The following PTH2R variants were observed in gnomAD, a reference collection of about 807,000 sequenced individuals.
The protein encoded by PTH2R is parathyroid hormone 2 receptor.
Under a neutral mutation model 60.3 loss-of-function variants are expected in PTH2R, and 59 were observed. That is an observed-to-expected ratio of 0.98 (90% confidence interval 0.79 to 1.22). PTH2R has a LOEUF of 1.22. Ranked by LOEUF, PTH2R falls within the 50% of genes most tolerant of loss-of-function variation. The pLI, the probability that PTH2R is intolerant of heterozygous loss-of-function variation, is 0.00. For missense variants in PTH2R, 749 were observed against 682.6 expected, an observed-to-expected ratio of 1.10 and a Z score of -1.08; for synonymous variants, 256 against 243.8, an observed-to-expected ratio of 1.05 and a Z score of -0.47.
At chr2:208,401,948 A>G (rs1701318005), upstream of PTH2R, among the ~76,000 whole-genome samples, 1 of 152,160 alleles carries the variant, frequency 6.6e-6, no homozygotes, top group African/African-American at 2.4e-5. Flanking sequence ...CACCTGTTCT[A>G]CAAGAGCCAA....
At position 208,428,402 on chromosome 2, in the gene PTH2R, C is replaced by T. The variant is rs545673942; in HGVS notation, c.178+99C>T. ...TCTTTAGTGTTAGGGAGATCCTTAT[C>T]AGTCAATCCACATTTCCATGTGGAG... is the stretch of plus-strand genomic sequence containing the variant. On this transcript the variant is annotated intron_variant, in intron 2 of 12. Coordinates refer to ENST00000272847, the MANE Select transcript of PTH2R (RefSeq NM_005048.4). 2.0e-4 allele frequency: 156 copies of T among 791,800 alleles called. No individual in the cohort carries two copies. The African/African-American group carries it at 2.4e-3, about 12-fold the overall frequency. 49.0% of individuals were successfully genotyped at this position (791,800 alleles called of 1,614,324 possible). A position where few individuals can be genotyped will look rare whatever the true frequency, so the allele number is the denominator to read the frequency against.
chr2:208,371,501 C>T (rs1331375708), intron 1 of PTH2R, among the ~76,000 whole-genome samples: 1 of 152,146 alleles, frequency 6.6e-6, no homozygotes, highest in African/African-American at 2.4e-5. Context: ...CTCCCTCAGG[C>T]ATGGAGAATA....
intron 8 of PTH2R, among the ~76,000 whole-genome samples, chr2:208,451,601 A>T (rs1423629698): frequency 1.3e-5 from 2 of 152,152 alleles, no homozygotes; most frequent in Non-Finnish European, 2.9e-5. Flanking sequence ...CGTGTGGTCT[A>T]CTAACTCATC....
chr2:208,412,310 G>A (rs1701555952), intron 1 of PTH2R, among the ~76,000 whole-genome samples: 1 of 152,238 alleles, frequency 6.6e-6, no homozygotes, highest in African/African-American at 2.4e-5. Flanking sequence ...CTGCATGACA[G>A]ATGTGTTGCC....
intron 10 of PTH2R, among the ~76,000 whole-genome samples, chr2:208,484,045 C>A (rs951922721): frequency 6.6e-6 from 1 of 152,146 alleles, no homozygotes; most frequent in Non-Finnish European, 1.5e-5. Context: ...AATTTTGTAC[C>A]TTTAAACTTA....
chr2:208,458,610 C>T (rs115625078), intron 8 of PTH2R, among the ~76,000 whole-genome samples: 2,863 of 152,204 alleles, frequency 0.019, 39 homozygotes, highest in Non-Finnish European at 0.03. Context: ...ACCTTCCCCC[C>T]TCAAGTACAC....
rs143063982 is a variant in PTH2R, at chr2:208,368,960, C to T, written c.-259+8723C>T. 9.9e-5 allele frequency among the ~76,000 whole-genome samples: 15 copies of T among 151,260 alleles called. No individual in the cohort carries two copies. The East Asian group carries it at 2.5e-3, about 25-fold the overall frequency. On this transcript the variant is annotated intron_variant, in intron 1 of 12. Coordinates refer to the PTH2R transcript ENST00000617735. ...TCACAGATGGCACTAAACAACCCTC[C>T]ACTGTCATTGTTACTTGGATTATAA...
Position 208,479,242 on chromosome 2 carries a change from G to T in PTH2R, c.982-1828G>T, listed in dbSNP as rs139783433. Among the ~76,000 whole-genome samples the T allele has an allele frequency of 1.5e-3, 231 of 152,224 alleles. 6 individuals carry two copies. In the East Asian group the frequency reaches 0.042, roughly 28 times the overall value. ...AATTTTTCTGGGGGTGGGGGGTGCA[G>T]ATTTATTTAGTGTAGTCTACTAAAG... On this transcript the variant is annotated intron_variant, in intron 9 of 12. Coordinates refer to ENST00000272847, the MANE Select transcript of PTH2R (RefSeq NM_005048.4).
chr2:208,379,563 TAAAG>T (rs1250813724), intron 1 of PTH2R, among the ~76,000 whole-genome samples: 2 of 152,118 alleles, frequency 1.3e-5, no homozygotes, highest in African/African-American at 4.8e-5. Flanking sequence ...AAATCCATCT[TAAAG>T]AGAACCTTGG....
intron 2 of PTH2R, among the ~76,000 whole-genome samples, chr2:208,431,277 T>C (rs998120742): frequency 9.9e-5 from 15 of 152,238 alleles, no homozygotes; most frequent in African/African-American, 3.4e-4. Context: ...TTTGATAGTC[T>C]CTTGCTCCTT....
intron 1 of PTH2R, among the ~76,000 whole-genome samples, chr2:208,382,615 CT>C (rs541484975): frequency 3.5e-4 from 54 of 152,204 alleles, no homozygotes; most frequent in Non-Finnish European, 6.8e-4. Context: ...ATTTCTGAGT[CT>C]GATCCTCCCT....
rs1405524366 is a variant in PTH2R, at chr2:208,427,588, C to A, written c.76-613C>A. On this transcript the variant is annotated intron_variant, in intron 1 of 12. Coordinates refer to ENST00000272847, the MANE Select transcript of PTH2R (RefSeq NM_005048.4). ...ATATCTGACTATTCACTGAGATTCT[C>A]TTTGTGCTGTAAATATCTTAGAAAA... Among the ~76,000 whole-genome samples, 3 of 152,158 alleles carry A rather than the reference C, an allele frequency of 2.0e-5. No homozygotes were observed. In the East Asian group the frequency reaches 5.8e-4, roughly 29 times the overall value.
chr2:208,382,602 G>A (rs949733716), intron 1 of PTH2R, among the ~76,000 whole-genome samples: 2 of 152,118 alleles, frequency 1.3e-5, no homozygotes, highest in Admixed American at 6.5e-5. Context: ...CCTATCCCAC[G>A]TCATTTCTGA....
intron 1 of PTH2R, among the ~76,000 whole-genome samples, chr2:208,427,998 T>A (rs1045640388): frequency 6.6e-6 from 1 of 152,124 alleles, no homozygotes; most frequent in African/African-American, 2.4e-5. Context: ...TGAGATTTTT[T>A]AAAAGGCTAA....
chr2:208,386,479 C>T (rs1701004107), intron 1 of PTH2R, among the ~76,000 whole-genome samples: 1 of 152,146 alleles, frequency 6.6e-6, no homozygotes, highest in Non-Finnish European at 1.5e-5. Flanking sequence ...ACCTGGCACA[C>T]TGCAATCAGT....
chr2:208,461,962 C>G (rs940698738), intron 9 of PTH2R, among the ~76,000 whole-genome samples: 3 of 152,206 alleles, frequency 2.0e-5, no homozygotes, highest in Non-Finnish European at 4.4e-5. Context: ...TTTTCATCTT[C>G]TTGAGCTAAA....
chr2:208,387,591 C>T (rs1701025245), intron 1 of PTH2R, among the ~76,000 whole-genome samples: 1 of 152,140 alleles, frequency 6.6e-6, no homozygotes, highest in African/African-American at 2.4e-5. Flanking sequence ...TAGAAGTTAA[C>T]CCTCCTTTAA....
At chr2:208,417,524 T>G (rs1327919752) in intron 1 of PTH2R, among the ~76,000 whole-genome samples, 2 of 150,142 alleles carry the variant, frequency 1.3e-5, no homozygotes, top group Non-Finnish European at 3.0e-5. Flanking sequence ...AGAGAAGTAC[T>G]GTTCAAAGGT....
At chr2:208,462,871 C>G (rs1392955434) in intron 9 of PTH2R, among the ~76,000 whole-genome samples, 1 of 152,156 alleles carries the variant, frequency 6.6e-6, no homozygotes, top group African/African-American at 2.4e-5. Context: ...CCGGGCCAGA[C>G]CCTGAAGGGG....
Sources: gnomAD v4.1 joint callset for allele counts (sites outside exome capture counted in the v4.1 genomes callset) on GRCh38, gnomAD v4.1.1 for gene constraint, MANE v1.5 for transcripts, NCBI Gene and HGNC (gene_info 2026-07-23, HGNC 2026-07-21) for gene names.